The following TBC1D5 variants were observed in gnomAD, a reference collection of about 807,000 sequenced individuals.
TBC1D5 encodes the protein TBC1 domain family member 5.
Under a neutral mutation model 100.3 loss-of-function variants are expected in TBC1D5, and 75 were observed. The ratio of observed to expected loss-of-function variants is 0.75; its 90% CI spans 0.62 to 0.91. The LOEUF (loss-of-function observed/expected upper bound fraction) is 0.91, where lower values mean the gene tolerates loss of function less well. TBC1D5 is among the 40% of genes least tolerant of loss of function. TBC1D5 has a pLI of 0.00. For missense variants in TBC1D5, 910 were observed against 942.4 expected (o/e 0.97, Z 0.45); for synonymous variants, 323 against 325.6 (o/e 0.99, Z 0.09).
chr3:17,376,157 T>C (rs934814492), intron 10 of TBC1D5, among the ~76,000 whole-genome samples: 1 of 152,166 alleles, frequency 6.6e-6, no homozygotes, highest in African/African-American at 2.4e-5. Context: ...TAATCTCATA[T>C]ATAAAGTCTT....
At chr3:17,556,848 C>T (rs1220574725) in intron 2 of TBC1D5, among the ~76,000 whole-genome samples, 3 of 152,198 alleles carry the variant, frequency 2.0e-5, no homozygotes, top group Admixed American at 1.3e-4. Flanking sequence ...ACTATACTCA[C>T]TGACCACTTC....
intron 1 of TBC1D5, among the ~76,000 whole-genome samples, chr3:17,662,774 G>A (rs1176527983): frequency 6.6e-6 from 1 of 152,058 alleles, no homozygotes; most frequent in Admixed American, 6.6e-5. Context: ...CCCTTAATAG[G>A]TAAGGAAAGC....
chr3:17,695,292 G>A (rs531767837), intron 1 of TBC1D5, among the ~76,000 whole-genome samples: 56 of 152,064 alleles, frequency 3.7e-4, no homozygotes, highest in Non-Finnish European at 5.3e-4. Context: ...ATTAAAAGAC[G>A]CGGACTGGCA....
chr3:17,671,187 C>T (rs2067892491), intron 1 of TBC1D5, among the ~76,000 whole-genome samples: 1 of 152,188 alleles, frequency 6.6e-6, no homozygotes, highest in African/African-American at 2.4e-5. Flanking sequence ...AATTATCTGA[C>T]CACATGTAAA....
At chr3:17,444,488 T>A (rs1198416257) in intron 3 of TBC1D5, among the ~76,000 whole-genome samples, 1 of 152,116 alleles carries the variant, frequency 6.6e-6, no homozygotes, top group Non-Finnish European at 1.5e-5. Flanking sequence ...CTATAATTTA[T>A]TTAACCATTC....
At chr3:17,255,427 C>T (rs147554930) in intron 16 of TBC1D5, among the ~76,000 whole-genome samples, 2,177 of 152,132 alleles carry the variant, frequency 0.014, 49 homozygotes, top group African/African-American at 0.049. Flanking sequence ...GTCTCGATCT[C>T]CTGACTTCGT....
intron 3 of TBC1D5, among the ~76,000 whole-genome samples, chr3:17,480,613 C>T (rs540376779): frequency 1.8e-4 from 27 of 152,094 alleles, no homozygotes; most frequent in African/African-American, 4.6e-4. Flanking sequence ...CTCTGCTAAG[C>T]GCTGGACATT....
chr3:17,731,137 C>G (rs909403338), intron 1 of TBC1D5, among the ~76,000 whole-genome samples: 1 of 152,076 alleles, frequency 6.6e-6, no homozygotes, highest in Admixed American at 6.5e-5. Context: ...AAAACATGAA[C>G]AGTTCCAAAA....
intron 2 of TBC1D5, among the ~76,000 whole-genome samples, chr3:17,584,870 C>G (rs926503666): frequency 1.1e-4 from 16 of 152,160 alleles, no homozygotes; most frequent in Non-Finnish European, 2.2e-4. Context: ...GTTGGCCAGG[C>G]TGTTCTCGAA....
intron 1 of TBC1D5, among the ~76,000 whole-genome samples, chr3:17,727,917 C>T (rs1404171381): frequency 2.0e-5 from 3 of 152,074 alleles, no homozygotes; most frequent in African/African-American, 7.2e-5. Context: ...AAGTAGAAAT[C>T]CACACTATAT....
chr3:17,663,797 T>C (rs547086292), intron 1 of TBC1D5, among the ~76,000 whole-genome samples: 1 of 152,270 alleles, frequency 6.6e-6, no homozygotes, highest in African/African-American at 2.4e-5. Context: ...CAAATAGTCA[T>C]CTATGGGAAC....
At chr3:17,430,073 T>C (rs1239671027) in intron 3 of TBC1D5, among the ~76,000 whole-genome samples, 1 of 151,764 alleles carries the variant, frequency 6.6e-6, no homozygotes, top group East Asian at 1.9e-4. Flanking sequence ...GGTATGGTAT[T>C]ACTCATACAG....
intron 1 of TBC1D5, among the ~76,000 whole-genome samples, chr3:17,685,316 T>A (rs1001277310): frequency 6.6e-6 from 1 of 151,958 alleles, no homozygotes; most frequent in African/African-American, 2.4e-5. Context: ...ATGCAGCGTC[T>A]AAAAGCAATA....
chr3:17,606,705 GGTTCA>G (rs1392090540), intron 2 of TBC1D5, among the ~76,000 whole-genome samples: 2 of 152,056 alleles, frequency 1.3e-5, no homozygotes, highest in Non-Finnish European at 2.9e-5. Context: ...ACCTTTACAA[GGTTCA>G]GTTCATGGGT....
At chr3:17,246,189 A>G (rs2076722726) in intron 16 of TBC1D5, among the ~76,000 whole-genome samples, 1 of 152,250 alleles carries the variant, frequency 6.6e-6, no homozygotes, top group Non-Finnish European at 1.5e-5. Context: ...AAATGCAGGC[A>G]TAGAAAGGAA....
chr3:17,281,601 A>G (rs2080605684), intron 15 of TBC1D5, among the ~76,000 whole-genome samples: 1 of 152,216 alleles, frequency 6.6e-6, no homozygotes, highest in East Asian at 1.9e-4. Context: ...CAATATGGTA[A>G]TCATATGTGT....
chr3:17,415,901 T>C (rs2094054985), intron 4 of TBC1D5, among the ~76,000 whole-genome samples: 1 of 152,192 alleles, frequency 6.6e-6, no homozygotes, highest in African/African-American at 2.4e-5. Flanking sequence ...TGGCAAGGGC[T>C]TGATATCTAA....
intron 2 of TBC1D5, among the ~76,000 whole-genome samples, chr3:17,569,955 T>G (rs927903406): frequency 3.3e-5 from 5 of 151,882 alleles, no homozygotes; most frequent in Non-Finnish European, 5.9e-5. Flanking sequence ...TTGGAGAACT[T>G]ATAAGCAATT....
chr3:17,326,027 A>T (rs1306467075), intron 13 of TBC1D5, among the ~76,000 whole-genome samples: 1 of 152,198 alleles, frequency 6.6e-6, no homozygotes, highest in Non-Finnish European at 1.5e-5. Context: ...GAAGTAGATA[A>T]ATTCTCTATG....
Sources: allele counts gnomAD v4.1 joint callset (sites outside exome capture counted in the v4.1 genomes callset), GRCh38; gene constraint gnomAD v4.1.1; transcripts MANE v1.5; gene names NCBI Gene and HGNC (gene_info 2026-07-23, HGNC 2026-07-21).